PRKD1: variants seen among roughly 807,000 people sequenced by gnomAD.
PRKD1 encodes serine/threonine-protein kinase D1.
A neutral mutation model predicts 95.9 loss-of-function variants in PRKD1; 63 were observed. The ratio of observed to expected loss-of-function variants is 0.66; its 90% CI spans 0.54 to 0.81. PRKD1 has a LOEUF of 0.81. Among genes scored for constraint, PRKD1 ranks in the 30% least tolerant of loss-of-function variants. The pLI is 0.00. For missense variants in PRKD1, 1,048 were observed against 1,165.3 expected, an observed-to-expected ratio of 0.90 and a Z score of 1.47; for synonymous variants, 425 against 423.1, an observed-to-expected ratio of 1.00 and a Z score of -0.05.
intron 1 of PRKD1, among the ~76,000 whole-genome samples, chr14:29,881,437 G>A (rs1306742268): frequency 1.3e-5 from 2 of 151,962 alleles, no homozygotes; most frequent in African/African-American, 2.4e-5. Flanking sequence ...TCCCAGTCTC[G>A]GGTATGTCTC....
At chr14:29,708,938 T>A (rs999312614) in intron 2 of PRKD1, among the ~76,000 whole-genome samples, 1 of 152,182 alleles carries the variant, frequency 6.6e-6, no homozygotes, top group Non-Finnish European at 1.5e-5. Flanking sequence ...CAAAATTTTT[T>A]ATATTTATTA....
chr14:29,899,707 T>C (rs1894255794), intron 1 of PRKD1, among the ~76,000 whole-genome samples: 1 of 152,198 alleles, frequency 6.6e-6, no homozygotes, highest in Non-Finnish European at 1.5e-5. Flanking sequence ...AGACCTTAAA[T>C]TACAACCTCA....
At chr14:29,614,600 T>A (rs1309430074) in intron 13 of PRKD1, among the ~76,000 whole-genome samples, 1 of 152,066 alleles carries the variant, frequency 6.6e-6, no homozygotes, top group Non-Finnish European at 1.5e-5. Context: ...ATCTATATAG[T>A]TATATAAGTA....
At chr14:29,895,806 G>A (rs1428851280) in intron 1 of PRKD1, among the ~76,000 whole-genome samples, 4 of 152,128 alleles carry the variant, frequency 2.6e-5, no homozygotes, top group African/African-American at 4.8e-5. Context: ...CAAATGTCAC[G>A]TTCTCAAGGA....
rs1342902913 is a variant in PRKD1 at position 29,597,660 on chromosome 14, T to C, written c.2265A>G (p.Leu755=). ...GTPAYLAPEV[L]RNKGYNRSLD... is the part of the protein sequence containing the mutation. Reference sequence around the variant, plus strand: ...GAGAGCGATTGTAGCCCTTGTTCCTTAGGACCTCAGGAGCCAGGTAAGCGG... The same window carrying C: ...GAGAGCGATTGTAGCCCTTGTTCCTCAGGACCTCAGGAGCCAGGTAAGCGG... Residue 755 remains leucine, a synonymous_variant, in exon 16 of 18, where the codon CTA becomes CTG. Transcript: ENST00000331968. 6.2e-7 allele frequency: 1 copy of C among 1,614,002 alleles called. No homozygotes were observed. Among genetic ancestry groups the C allele is most frequent in the Admixed American group, 1.7e-5 (1 of 59,990 alleles).
intron 1 of PRKD1, among the ~76,000 whole-genome samples, chr14:29,833,180 C>T (rs1891480913): frequency 6.6e-6 from 1 of 152,040 alleles, no homozygotes; most frequent in Non-Finnish European, 1.5e-5. Flanking sequence ...AAAGGTGGCT[C>T]CTAAAGAATG....
At chr14:29,916,384 CT>C (rs1894888371) in intron 1 of PRKD1, among the ~76,000 whole-genome samples, 1 of 152,192 alleles carries the variant, frequency 6.6e-6, no homozygotes, top group Admixed American at 6.5e-5. Flanking sequence ...CTGTCATGTT[CT>C]TTTCTGCCCT....
chr14:29,665,426 G>A (rs991912707), intron 3 of PRKD1, among the ~76,000 whole-genome samples: 1 of 152,246 alleles, frequency 6.6e-6, no homozygotes. Context: ...ACACCACTGT[G>A]TGTGCCCCTG....
In PRKD1 at chr14:29,826,844, C is replaced by CATATATATACACATATATATAT. The variant is rs1891207194; in HGVS notation, c.264+100404_264+100405insATATATATATGTGTATATATAT. On this transcript the variant is annotated intron_variant, in intron 1 of 17. Transcript: ENST00000331968. ...ATATATATATATATATATATACACA[C>CATATATATACACATATATATAT]ATATATATATATATATATATATATA... 2.4e-4 allele frequency among the ~76,000 whole-genome samples: 7 copies of CATATATATACACATATATATAT among 28,668 alleles called. 1 individual carries two copies. The highest frequency in any genetic ancestry group is 5.8e-4 in the Admixed American group (1 of 1,728). 18.8% of individuals were successfully genotyped at this position (28,668 alleles called of 152,430 possible).
intron 1 of PRKD1, among the ~76,000 whole-genome samples, chr14:29,815,977 T>C (rs1890672100): frequency 6.6e-6 from 1 of 152,162 alleles, no homozygotes; most frequent in African/African-American, 2.4e-5. Context: ...CCCATCACTT[T>C]GGGAGGCCGA....
chr14:29,742,892 G>A (rs894152522), intron 1 of PRKD1, among the ~76,000 whole-genome samples: 4 of 152,138 alleles, frequency 2.6e-5, no homozygotes, highest in African/African-American at 9.7e-5. Flanking sequence ...TTGGATAACT[G>A]GGAACACAGT....
chr14:29,828,984 G>T (rs976693424), intron 1 of PRKD1, among the ~76,000 whole-genome samples: 2 of 152,182 alleles, frequency 1.3e-5, no homozygotes, highest in African/African-American at 2.4e-5. Flanking sequence ...TCCCTCTTGG[G>T]AAGCTTTCTC....
At chr14:29,700,984 G>GCACACACACACACACACACACACA (rs1305950280) in intron 2 of PRKD1, among the ~76,000 whole-genome samples, 1 of 52,930 alleles carries the variant, frequency 1.9e-5, no homozygotes, top group African/African-American at 2.3e-4. Context: ...ATGCGCGCGC[G>GCACACACACACACACACACACACA]CGCGCACACA....
At chr14:29,898,714 C>T (rs372219956) in intron 1 of PRKD1, among the ~76,000 whole-genome samples, 3 of 152,086 alleles carry the variant, frequency 2.0e-5, no homozygotes, top group Non-Finnish European at 2.9e-5. Flanking sequence ...GAGCTGGTTG[C>T]GAATTTGACT....
At chr14:29,807,572 T>C (rs1410279865) in intron 1 of PRKD1, among the ~76,000 whole-genome samples, 1 of 151,842 alleles carries the variant, frequency 6.6e-6, no homozygotes, top group African/African-American at 2.4e-5. Flanking sequence ...AATTTTTGTA[T>C]TTTTTTCTAG....
At chr14:29,580,477 T>C (rs1182410241) in intron 16 of PRKD1, among the ~76,000 whole-genome samples, 1 of 152,122 alleles carries the variant, frequency 6.6e-6, no homozygotes, top group Non-Finnish European at 1.5e-5. Flanking sequence ...TGTGTGTGTG[T>C]ATACATACAT....
At position 29,651,026 on chromosome 14, in the gene PRKD1, T is replaced by C. The variant is rs149888989; in HGVS notation, c.697-12122A>G. Among the ~76,000 whole-genome samples, 53 of 152,334 alleles carry C rather than the reference T, an allele frequency of 3.5e-4. 1 individual carries two copies. The highest frequency in any genetic ancestry group is 1.3e-3 in the African/African-American group (52 of 41,570). On this transcript the variant is annotated intron_variant, in intron 4 of 17. Coordinates refer to ENST00000331968, the MANE Select transcript of PRKD1 (RefSeq NM_002742.3). ...TTCTTTAATTTTTCTACTTCAATAGTACATTATAGAATCCTAGCCCATAAT... is the reference window on the plus strand; with the variant it reads ...TTCTTTAATTTTTCTACTTCAATAGCACATTATAGAATCCTAGCCCATAAT...
intron 1 of PRKD1, among the ~76,000 whole-genome samples, chr14:29,738,901 G>C (rs1437216390): frequency 1.3e-5 from 2 of 148,468 alleles, no homozygotes; most frequent in African/African-American, 5.0e-5. Flanking sequence ...CCGCAATCTT[G>C]GCTCAGTGCA....
intron 1 of PRKD1, among the ~76,000 whole-genome samples, chr14:29,736,083 G>A (rs45494897): frequency 2.7e-4 from 41 of 152,168 alleles, no homozygotes; most frequent in Middle Eastern, 3.4e-3. Context: ...CATAGACATG[G>A]CTCTTTCCCT....
Sources: allele counts gnomAD v4.1 joint callset (sites outside exome capture counted in the v4.1 genomes callset), GRCh38; gene constraint gnomAD v4.1.1; transcripts MANE v1.5; gene names NCBI Gene and HGNC (gene_info 2026-07-23, HGNC 2026-07-21).